FGF14: variants seen among roughly 807,000 people sequenced by gnomAD.
The protein encoded by FGF14 is fibroblast growth factor 14.
Under a neutral mutation model 25.5 loss-of-function variants are expected in FGF14, and 5 were observed. The observed-to-expected ratio is 0.20, with a 90% CI of 0.10 to 0.41. FGF14 has a LOEUF of 0.41. Ranked by LOEUF, FGF14 falls within the 10% of genes least tolerant of loss-of-function variation. The probability of loss-of-function intolerance (pLI) is 1.00; values close to 1 mark genes in which losing one functional copy is unlikely to be tolerated. For synonymous variants in FGF14, 138 were observed against 118.3 expected, an observed-to-expected ratio of 1.17 and a Z score of -1.08; for missense variants, 222 against 320.1, an observed-to-expected ratio of 0.69 and a Z score of 2.34.
At chr13:102,029,097 C>G (rs947369207) in intron 1 of FGF14, among the ~76,000 whole-genome samples, 3 of 152,128 alleles carry the variant, frequency 2.0e-5, no homozygotes, top group Middle Eastern at 3.4e-3. Context: ...ATGGTAACTT[C>G]GCTGGCTTGG....
chr13:102,275,494 T>C (rs1416368942), intron 1 of FGF14, among the ~76,000 whole-genome samples: 2 of 152,150 alleles, frequency 1.3e-5, no homozygotes, highest in Non-Finnish European at 2.9e-5. Context: ...TTTGAAATAT[T>C]TGAAAAGATG....
At chr13:102,288,811 C>T (rs1025060571) in intron 1 of FGF14, among the ~76,000 whole-genome samples, 2 of 152,148 alleles carry the variant, frequency 1.3e-5, no homozygotes, top group African/African-American at 4.8e-5. Flanking sequence ...TCTCAAACTC[C>T]TAACCTCAAG....
chr13:102,126,504 T>C (rs1351937684), intron 1 of FGF14, among the ~76,000 whole-genome samples: 1 of 152,220 alleles, frequency 6.6e-6, no homozygotes, highest in Non-Finnish European at 1.5e-5. Context: ...ATTTGGCTAC[T>C]GTGAATAATG....
At chr13:102,052,190 T>C (rs776398282) in intron 1 of FGF14, among the ~76,000 whole-genome samples, 7 of 152,110 alleles carry the variant, frequency 4.6e-5, no homozygotes, top group Non-Finnish European at 8.8e-5. Flanking sequence ...GACAGGTTAT[T>C]TGAAAATATA....
chr13:101,939,760 T>C (rs10508078), intron 1 of FGF14, among the ~76,000 whole-genome samples: 20,137 of 152,236 alleles, frequency 0.13, 1,493 homozygotes, highest in East Asian at 0.2. Flanking sequence ...GGATTCAATA[T>C]GGACATTCTT....
intron 1 of FGF14, among the ~76,000 whole-genome samples, chr13:102,090,460 T>C (rs910842653): frequency 1.6e-5 from 2 of 123,736 alleles, no homozygotes; most frequent in African/African-American, 5.0e-5. Flanking sequence ...AAAATGAAGA[T>C]GATATTACTA....
At chr13:101,946,693 TC>T (rs1247649544) in intron 1 of FGF14, among the ~76,000 whole-genome samples, 63 of 152,318 alleles carry the variant, frequency 4.1e-4, no homozygotes, top group African/African-American at 1.4e-3. Flanking sequence ...ACAGATTGTC[TC>T]TCACAGGGAC....
chr13:102,266,008 A>G (rs948495343), intron 1 of FGF14, among the ~76,000 whole-genome samples: 1 of 152,076 alleles, frequency 6.6e-6, no homozygotes, highest in Non-Finnish European at 1.5e-5. Flanking sequence ...GGAAGCTATG[A>G]CAGCCCCACA....
At chr13:101,978,865 GC>G (rs1028812866) in intron 1 of FGF14, among the ~76,000 whole-genome samples, 3 of 152,182 alleles carry the variant, frequency 2.0e-5, no homozygotes, top group Admixed American at 6.5e-5. Flanking sequence ...GCAAAGGCCA[GC>G]TCTTGCTACA....
chr13:102,129,282 AAC>A (rs960470684), intron 1 of FGF14, among the ~76,000 whole-genome samples: 5 of 151,894 alleles, frequency 3.3e-5, no homozygotes, highest in African/African-American at 1.2e-4. Flanking sequence ...AAGAAATTAA[AAC>A]TTCCCTTTAA....
chr13:102,356,267 C>G (rs2057415574), intron 1 of FGF14, among the ~76,000 whole-genome samples: 1 of 152,210 alleles, frequency 6.6e-6, no homozygotes, highest in African/African-American at 2.4e-5. Context: ...CAATTCTTTG[C>G]TCCTTACTAA....
chr13:102,083,746 G>A (rs566781864), intron 1 of FGF14, among the ~76,000 whole-genome samples: 5 of 152,312 alleles, frequency 3.3e-5, no homozygotes, highest in South Asian at 2.1e-4. Flanking sequence ...GCCAACTGCC[G>A]CGGGCACACT....
chr13:102,279,236 C>T (rs1195579912), intron 1 of FGF14, among the ~76,000 whole-genome samples: 1 of 149,336 alleles, frequency 6.7e-6, no homozygotes, highest in Non-Finnish European at 1.5e-5. Flanking sequence ...AAGGTTTATA[C>T]AATGTTTTCA....
intron 3 of FGF14, among the ~76,000 whole-genome samples, chr13:101,787,902 G>C (rs1452001118): frequency 6.6e-6 from 1 of 152,080 alleles, no homozygotes; most frequent in Non-Finnish European, 1.5e-5. Flanking sequence ...ACAGAGTTTA[G>C]CTCTTATTGC....
chr13:102,087,998 G>T (rs893701406), intron 1 of FGF14, among the ~76,000 whole-genome samples: 1 of 152,078 alleles, frequency 6.6e-6, no homozygotes, highest in Non-Finnish European at 1.5e-5. Flanking sequence ...AAATAATTTT[G>T]AGAATGACTT....
intron 1 of FGF14, among the ~76,000 whole-genome samples, chr13:102,140,535 T>C (rs116091891): frequency 0.025 from 3,822 of 152,240 alleles, 173 homozygotes; most frequent in African/African-American, 0.088. Context: ...CAGACTGCTA[T>C]GAAGGAAGTC....
intron 1 of FGF14, among the ~76,000 whole-genome samples, chr13:102,163,601 T>A (rs138984315): frequency 8.5e-5 from 13 of 152,116 alleles, no homozygotes; most frequent in African/African-American, 3.1e-4. Context: ...TTCTCAGAGG[T>A]CACTTTGATC....
At chr13:101,943,868 G>T (rs1389495802) in intron 1 of FGF14, among the ~76,000 whole-genome samples, 1 of 143,890 alleles carries the variant, frequency 6.9e-6, no homozygotes, top group African/African-American at 2.8e-5. Flanking sequence ...CAGGTGTGGT[G>T]GCGCATGCCT....
intron 3 of FGF14, among the ~76,000 whole-genome samples, chr13:101,782,650 C>T (rs796171057): frequency 1.8e-4 from 27 of 152,224 alleles, no homozygotes; most frequent in South Asian, 8.3e-4. Context: ...TTTGGTTTTC[C>T]TTTCCTGTAT....
Sources: gnomAD v4.1 joint callset for allele counts (sites outside exome capture counted in the v4.1 genomes callset) on GRCh38, gnomAD v4.1.1 for gene constraint, MANE v1.5 for transcripts, NCBI Gene and HGNC (gene_info 2026-07-23, HGNC 2026-07-21) for gene names.